ERC2: variants seen among roughly 807,000 people sequenced by gnomAD.
ERC2 encodes ELKS/RAB6-interacting/CAST family member 2.
Under a neutral mutation model 114.8 loss-of-function variants are expected in ERC2, and 42 were observed. The ratio of observed to expected loss-of-function variants is 0.37; its 90% CI spans 0.29 to 0.47. The LOEUF (loss-of-function observed/expected upper bound fraction) is 0.47. ERC2 is among the 20% of genes least tolerant of loss of function. ERC2 has a pLI of 0.99. For synonymous variants in ERC2, 454 were observed against 425.5 expected, an observed-to-expected ratio of 1.07 and a Z score of -0.82; for missense variants, 939 against 1,150.7, an observed-to-expected ratio of 0.82 and a Z score of 2.66.
At chr3:56,107,015 A>G (rs1258552123) in intron 6 of ERC2, among the ~76,000 whole-genome samples, 4 of 152,202 alleles carry the variant, frequency 2.6e-5, no homozygotes, top group African/African-American at 9.6e-5. Flanking sequence ...AATGCATTCA[A>G]TACGGAAACA....
chr3:56,292,972 A>G (rs200649535), intron 3 of ERC2, among the ~76,000 whole-genome samples: 1 of 152,212 alleles, frequency 6.6e-6, no homozygotes. Context: ...TAAAATTGTC[A>G]TCTATTTTCC....
At chr3:55,848,873 A>C (rs1356984513) in intron 14 of ERC2, among the ~76,000 whole-genome samples, 1 of 152,178 alleles carries the variant, frequency 6.6e-6, no homozygotes, top group Non-Finnish European at 1.5e-5. Flanking sequence ...TCATTCTTCT[A>C]AGTGTGCCCA....
At chr3:56,268,424 A>G (rs1015324889) in intron 3 of ERC2, among the ~76,000 whole-genome samples, 11 of 152,210 alleles carry the variant, frequency 7.2e-5, no homozygotes, top group African/African-American at 2.7e-4. Context: ...ATCATGTTGT[A>G]TACCTTATAT....
chr3:56,428,207 T>C (rs1275064844), intron 2 of ERC2, among the ~76,000 whole-genome samples: 1 of 152,058 alleles, frequency 6.6e-6, no homozygotes, highest in Non-Finnish European at 1.5e-5. Context: ...TAATAGAACA[T>C]AGTTGAATGA....
At chr3:56,147,514 GATAAAT>G (rs1223896264) in intron 5 of ERC2, among the ~76,000 whole-genome samples, 2 of 152,140 alleles carry the variant, frequency 1.3e-5, no homozygotes, top group African/African-American at 4.8e-5. Context: ...GTAAACACTG[GATAAAT>G]ATAATTTCCT....
At chr3:56,056,924 G>A (rs561015570) in intron 7 of ERC2, among the ~76,000 whole-genome samples, 2 of 152,216 alleles carry the variant, frequency 1.3e-5, no homozygotes, top group East Asian at 1.9e-4. Flanking sequence ...GCTTCTCTAC[G>A]AGGTAGGTAC....
chr3:56,292,421 T>C (rs1272565199), intron 3 of ERC2, among the ~76,000 whole-genome samples: 1 of 68,292 alleles, frequency 1.5e-5, no homozygotes. Flanking sequence ...GTACCAAAAA[T>C]ACAAAAAAAA....
chr3:55,633,796 T>C (rs2059849875), intron 17 of ERC2, among the ~76,000 whole-genome samples: 1 of 152,176 alleles, frequency 6.6e-6, no homozygotes, highest in African/African-American at 2.4e-5. Context: ...AAAGCAAAAC[T>C]AAACCTTAAA....
At chr3:56,240,077 G>C (rs2051225930) in intron 3 of ERC2, among the ~76,000 whole-genome samples, 1 of 152,148 alleles carries the variant, frequency 6.6e-6, no homozygotes, top group Non-Finnish European at 1.5e-5. Flanking sequence ...GAAAATCCAA[G>C]AGCAATGAAA....
At chr3:56,066,478 C>T (rs547205783) in intron 7 of ERC2, among the ~76,000 whole-genome samples, 2 of 152,098 alleles carry the variant, frequency 1.3e-5, no homozygotes, top group African/African-American at 2.4e-5. Flanking sequence ...GGGTGGATTG[C>T]AAAAGTTTTC....
intron 17 of ERC2, among the ~76,000 whole-genome samples, chr3:55,651,862 A>C (rs1478182383): frequency 6.6e-6 from 1 of 152,232 alleles, no homozygotes; most frequent in Non-Finnish European, 1.5e-5. Flanking sequence ...TAAAGGTCCA[A>C]GGCTTTTCAC....
intron 17 of ERC2, among the ~76,000 whole-genome samples, chr3:55,548,729 G>A (rs1277717802): frequency 1.3e-5 from 2 of 152,134 alleles, no homozygotes; most frequent in Non-Finnish European, 2.9e-5. Flanking sequence ...CTTTAATAAC[G>A]TGGGTGGCTT....
intron 15 of ERC2, among the ~76,000 whole-genome samples, chr3:55,714,659 GTGTGTGTGTATATATATA>G (rs1411423832): frequency 4.2e-5 from 3 of 70,844 alleles, no homozygotes; most frequent in Non-Finnish European, 7.2e-5. Flanking sequence ...GTGTGTGTGT[GTGTGTGTGTATATATATA>G]TATATATATA....
chr3:56,050,852 T>C (rs755984215), intron 7 of ERC2, among the ~76,000 whole-genome samples: 3 of 152,152 alleles, frequency 2.0e-5, no homozygotes, highest in Non-Finnish European at 2.9e-5. Context: ...AGCACATACA[T>C]AGTAGGCCCT....
intron 13 of ERC2, among the ~76,000 whole-genome samples, chr3:55,947,449 A>C (rs894476700): frequency 6.6e-6 from 1 of 152,178 alleles, no homozygotes; most frequent in African/African-American, 2.4e-5. Context: ...AGTCAAGTGA[A>C]CTTTTCCAAT....
chr3:55,939,574 T>C (rs1354592373), intron 13 of ERC2, among the ~76,000 whole-genome samples: 2 of 152,226 alleles, frequency 1.3e-5, no homozygotes, highest in Admixed American at 6.5e-5. Context: ...CTTTTCCTTA[T>C]AGTATTCCAT....
At chr3:55,664,097 G>C (rs2061256153) in intron 17 of ERC2, among the ~76,000 whole-genome samples, 1 of 152,158 alleles carries the variant, frequency 6.6e-6, no homozygotes, top group Admixed American at 6.5e-5. Context: ...TGGGAGAAGA[G>C]TTGCCAGATA....
chr3:56,156,123 A>G (rs553421773), intron 4 of ERC2, among the ~76,000 whole-genome samples: 1 of 152,324 alleles, frequency 6.6e-6, no homozygotes, highest in South Asian at 2.1e-4. Context: ...CTTAGTGGTG[A>G]AAGAATTCTC....
At chr3:56,417,932 G>C (rs1479971975) in intron 2 of ERC2, among the ~76,000 whole-genome samples, 2 of 152,130 alleles carry the variant, frequency 1.3e-5, no homozygotes, top group African/African-American at 2.4e-5. Context: ...TGTTAAGTAG[G>C]GTTCAAGATT....
Sources: allele counts gnomAD v4.1 joint callset (sites outside exome capture counted in the v4.1 genomes callset), GRCh38; gene constraint gnomAD v4.1.1; transcripts MANE v1.5; gene names NCBI Gene and HGNC (gene_info 2026-07-23, HGNC 2026-07-21).